LINGO2: variants seen among roughly 807,000 people sequenced by gnomAD.
The protein encoded by LINGO2 is leucine rich repeat and Ig domain containing 2.
LINGO2 carries 14 observed loss-of-function variants against 30.6 expected under a neutral mutation model. The observed-to-expected ratio is 0.46, with a 90% CI of 0.30 to 0.72. LINGO2 has a LOEUF of 0.72. LINGO2 is among the 30% of genes least tolerant of loss of function. The probability of loss-of-function intolerance (pLI) is 0.07; values close to 1 mark genes in which losing one functional copy is unlikely to be tolerated. For missense variants in LINGO2, 729 were observed against 751.7 expected, an observed-to-expected ratio of 0.97 and a Z score of 0.35; for synonymous variants, 317 against 288.5, an observed-to-expected ratio of 1.10 and a Z score of -1.00.
chr9:28,378,623 G>A (rs1365268585), intron 2 of LINGO2, among the ~76,000 whole-genome samples: 1 of 152,120 alleles, frequency 6.6e-6, no homozygotes, highest in Admixed American at 6.6e-5. Flanking sequence ...GAACTGTTGA[G>A]TTAGGCTTTC....
chr9:28,669,022 C>G (rs1828913745), intron 1 of LINGO2, among the ~76,000 whole-genome samples: 1 of 151,958 alleles, frequency 6.6e-6, no homozygotes, highest in Admixed American at 6.6e-5. Flanking sequence ...AAAAATTTGA[C>G]CAATATTGTG....
chr9:29,196,569 T>A, the LINGO2 span, among the ~76,000 whole-genome samples: 1 of 152,038 alleles, frequency 6.6e-6, no homozygotes, highest in Non-Finnish European at 1.5e-5. Flanking sequence ...GTTATATTGA[T>A]AGACAACCTT....
At chr9:28,789,504 C>T in the LINGO2 span, among the ~76,000 whole-genome samples, 9 of 152,110 alleles carry the variant, frequency 5.9e-5, no homozygotes, top group Non-Finnish European at 8.8e-5. Context: ...GGAAAGACAG[C>T]CCAAAGACCC....
chr9:29,060,561 T>C, the LINGO2 span, among the ~76,000 whole-genome samples: 19 of 152,168 alleles, frequency 1.2e-4, no homozygotes, highest in South Asian at 3.3e-3. Context: ...TCATTGAAGA[T>C]AACTCACATA....
chr9:28,433,841 G>C (rs1257689918), intron 2 of LINGO2, among the ~76,000 whole-genome samples: 1 of 151,228 alleles, frequency 6.6e-6, no homozygotes, highest in Non-Finnish European at 1.5e-5. Flanking sequence ...GTTTACAGCA[G>C]CACAATTTGC....
At chr9:28,660,356 GATAA>G (rs1196993981) in intron 1 of LINGO2, among the ~76,000 whole-genome samples, 4 of 151,794 alleles carry the variant, frequency 2.6e-5, no homozygotes, top group Non-Finnish European at 5.9e-5. Flanking sequence ...AAAGGGATTA[GATAA>G]ATAAAAAACA....
intron 5 of LINGO2, among the ~76,000 whole-genome samples, chr9:27,993,509 C>T (rs1420336069): frequency 6.6e-6 from 1 of 152,068 alleles, no homozygotes; most frequent in African/African-American, 2.4e-5. Context: ...TGCACTCCAG[C>T]CTTCCAGCCT....
At chr9:28,032,091 G>C (rs980454200) in intron 4 of LINGO2, among the ~76,000 whole-genome samples, 1 of 151,826 alleles carries the variant, frequency 6.6e-6, no homozygotes, top group Non-Finnish European at 1.5e-5. Flanking sequence ...AAACCGCAGA[G>C]CTGGGGGGAA....
chr9:28,739,031 T>C, the LINGO2 span, among the ~76,000 whole-genome samples: 8 of 151,976 alleles, frequency 5.3e-5, no homozygotes, highest in African/African-American at 9.6e-5. Context: ...TAGGTTCTAA[T>C]TGAGTAGGAA....
chr9:28,951,475 T>G, the LINGO2 span, among the ~76,000 whole-genome samples: 12 of 152,124 alleles, frequency 7.9e-5, no homozygotes, highest in African/African-American at 2.9e-4. Flanking sequence ...GCAATCATCC[T>G]GCACCCTGTC....
At chr9:28,531,911 T>C (rs560929355) in intron 1 of LINGO2, among the ~76,000 whole-genome samples, 2 of 152,322 alleles carry the variant, frequency 1.3e-5, no homozygotes, top group African/African-American at 4.8e-5. Flanking sequence ...GAAAATATTA[T>C]GGGCTAACAG....
intron 1 of LINGO2, among the ~76,000 whole-genome samples, chr9:28,502,470 T>C (rs1457806945): frequency 6.6e-6 from 1 of 152,118 alleles, no homozygotes; most frequent in African/African-American, 2.4e-5. Flanking sequence ...GGTTCACTCG[T>C]ACATTTCTGA....
the LINGO2 span, among the ~76,000 whole-genome samples, chr9:28,704,044 C>T: frequency 1.2e-4 from 18 of 151,842 alleles, no homozygotes; most frequent in Admixed American, 5.3e-4. Flanking sequence ...CTTTTTTAAA[C>T]GTAGATCAGA....
At chr9:29,046,444 T>A in the LINGO2 span, among the ~76,000 whole-genome samples, 1 of 152,062 alleles carries the variant, frequency 6.6e-6, no homozygotes, top group African/African-American at 2.4e-5. Flanking sequence ...GAAATAAGGC[T>A]GCACATCTAC....
At chr9:28,659,218 T>C (rs1265301696) in intron 1 of LINGO2, among the ~76,000 whole-genome samples, 2 of 151,986 alleles carry the variant, frequency 1.3e-5, no homozygotes, top group Non-Finnish European at 2.9e-5. Flanking sequence ...ATAGAGGTAA[T>C]ATACAGATAG....
At chr9:29,070,074 TAC>T in the LINGO2 span, among the ~76,000 whole-genome samples, 5,227 of 141,718 alleles carry the variant, frequency 0.037, 110 homozygotes, top group Middle Eastern at 0.078. Flanking sequence ...TATATATATA[TAC>T]ACACACACAT....
At chr9:27,993,890 A>T (rs2119057171) in intron 5 of LINGO2, among the ~76,000 whole-genome samples, 1 of 152,190 alleles carries the variant, frequency 6.6e-6, no homozygotes, top group Middle Eastern at 3.4e-3. Flanking sequence ...TGCAATATAG[A>T]CCATATGTTA....
At chr9:28,833,704 T>A in the LINGO2 span, among the ~76,000 whole-genome samples, 1 of 152,280 alleles carries the variant, frequency 6.6e-6, no homozygotes, top group East Asian at 1.9e-4. Context: ...TGTAGGATTA[T>A]TAAAATGTAG....
chr9:29,197,292 TA>T, the LINGO2 span, among the ~76,000 whole-genome samples: 2 of 151,974 alleles, frequency 1.3e-5, no homozygotes, highest in Non-Finnish European at 2.9e-5. Context: ...AATGTCCCAT[TA>T]AAAACCTATT....
Sources: allele counts gnomAD v4.1 joint callset (sites outside exome capture counted in the v4.1 genomes callset), GRCh38; gene constraint gnomAD v4.1.1; transcripts MANE v1.5; gene names NCBI Gene and HGNC (gene_info 2026-07-23, HGNC 2026-07-21).